Variants in CNTN5 observed in about 807,000 individuals in gnomAD.
CNTN5 encodes the protein contactin-5.
In CNTN5, 77 loss-of-function variants were observed where a neutral mutation model predicts 129.1. That is an observed-to-expected ratio of 0.60 (90% confidence interval 0.50 to 0.72). CNTN5 has a LOEUF of 0.72. CNTN5 is among the 30% of genes least tolerant of loss of function. CNTN5 has a pLI of 0.00. For synonymous variants in CNTN5, 509 were observed against 465.6 expected, an observed-to-expected ratio of 1.09 and a Z score of -1.20; for missense variants, 1,478 against 1,328.8, an observed-to-expected ratio of 1.11 and a Z score of -1.75.
At chr11:99,736,667 T>C (rs558930472) in intron 3 of CNTN5, among the ~76,000 whole-genome samples, 1 of 152,278 alleles carries the variant, frequency 6.6e-6, no homozygotes, top group South Asian at 2.1e-4. Flanking sequence ...ATCATAATTA[T>C]CGAAGTGTGA....
intron 2 of CNTN5, among the ~76,000 whole-genome samples, chr11:99,476,798 C>T (rs962298052): frequency 2.8e-4 from 42 of 152,068 alleles, no homozygotes. Context: ...TATGATAGCT[C>T]ATGTTTAATC....
At chr11:99,821,504 T>C (rs1946800281) in intron 4 of CNTN5, among the ~76,000 whole-genome samples, 1 of 152,146 alleles carries the variant, frequency 6.6e-6, no homozygotes, top group East Asian at 1.9e-4. Flanking sequence ...CACAACTCTC[T>C]GACACTTTGA....
At chr11:99,883,607 A>T (rs1948826194) in intron 6 of CNTN5, among the ~76,000 whole-genome samples, 1 of 152,218 alleles carries the variant, frequency 6.6e-6, no homozygotes, top group African/African-American at 2.4e-5. Flanking sequence ...TAAACAAAAC[A>T]AAACAAAACA....
rs1041496065 is a variant in CNTN5 at position 100,323,363 on chromosome 11, C to T, written c.2730+14895C>T. On this transcript the variant is annotated intron_variant, in intron 21 of 24. Transcript: ENST00000524871. ...TCCTTTGCTACTCCAACTGATCAAG[C>T]TGCAATCTTTTGCCACCATTGCCAG... 3.3e-4 allele frequency among the ~76,000 whole-genome samples: 50 copies of T among 152,218 alleles called. 1 individual carries two copies. The highest frequency in any genetic ancestry group is 3.2e-3 in the Admixed American group (49 of 15,284).
At chr11:99,918,769 T>G (rs1227178007) in intron 7 of CNTN5, among the ~76,000 whole-genome samples, 2 of 152,166 alleles carry the variant, frequency 1.3e-5, no homozygotes, top group African/African-American at 4.8e-5. Flanking sequence ...CTGTTCTTCG[T>G]CCCCTACTTC....
intron 3 of CNTN5, among the ~76,000 whole-genome samples, chr11:99,790,689 A>G (rs1218605865): frequency 1.3e-5 from 2 of 152,214 alleles, no homozygotes; most frequent in African/African-American, 2.4e-5. Context: ...TATATACCCA[A>G]TAATGGGATT....
chr11:100,139,721 G>A (rs539870182), intron 13 of CNTN5, among the ~76,000 whole-genome samples: 11 of 152,110 alleles, frequency 7.2e-5, no homozygotes, highest in South Asian at 2.1e-4. Context: ...AAAATTAGCC[G>A]GGTGTGATGG....
At chr11:99,997,141 AG>A (rs760784451) in intron 8 of CNTN5, among the ~76,000 whole-genome samples, 9 of 152,062 alleles carry the variant, frequency 5.9e-5, no homozygotes, top group Non-Finnish European at 1.0e-4. Context: ...TTTCTTTATT[AG>A]TCTTGCTAGC....
chr11:99,175,551 A>G (rs1292316436), intron 1 of CNTN5, among the ~76,000 whole-genome samples: 3 of 152,162 alleles, frequency 2.0e-5, no homozygotes, highest in Non-Finnish European at 2.9e-5. Context: ...TCACATGAGA[A>G]GAGACAAGAT....
intron 1 of CNTN5, among the ~76,000 whole-genome samples, chr11:99,266,310 G>C (rs540351245): frequency 5.8e-4 from 88 of 152,176 alleles, no homozygotes; most frequent in African/African-American, 1.6e-3. Flanking sequence ...TTCAAGTATA[G>C]AGGACAGGCC....
intron 1 of CNTN5, among the ~76,000 whole-genome samples, chr11:99,166,853 A>AT (rs11461923): frequency 0.67 from 101,800 of 150,946 alleles, 34,694 homozygotes; most frequent in East Asian, 0.94. Context: ...GTTGAATTAC[A>AT]TTTGATTTAA....
chr11:100,339,729 T>C (rs1454847015), intron 21 of CNTN5, among the ~76,000 whole-genome samples: 1 of 152,210 alleles, frequency 6.6e-6, no homozygotes, highest in East Asian at 1.9e-4. Context: ...AGCTACTCTT[T>C]GTTGCACTGA....
At chr11:99,302,115 A>G (rs1376282173) in intron 1 of CNTN5, among the ~76,000 whole-genome samples, 1 of 151,666 alleles carries the variant, frequency 6.6e-6, no homozygotes, top group Non-Finnish European at 1.5e-5. Flanking sequence ...ATAAATTTCT[A>G]TATTAAAAAA....
chr11:99,810,800 G>C (rs1220052995), intron 3 of CNTN5, among the ~76,000 whole-genome samples: 2 of 152,016 alleles, frequency 1.3e-5, no homozygotes, highest in Non-Finnish European at 2.9e-5. Context: ...CTTTGAAAAA[G>C]GTCAGGTATC....
chr11:99,038,690 A>T (rs1863859551), intron 1 of CNTN5, among the ~76,000 whole-genome samples: 1 of 151,758 alleles, frequency 6.6e-6, no homozygotes, highest in East Asian at 1.9e-4. Context: ...CATTTTTTAC[A>T]TCATTTATAA....
chr11:99,856,572 A>C (rs1948041519), intron 6 of CNTN5, among the ~76,000 whole-genome samples: 1 of 152,202 alleles, frequency 6.6e-6, no homozygotes. Flanking sequence ...CTTAAGGGGC[A>C]AGTATGGAGT....
intron 3 of CNTN5, among the ~76,000 whole-genome samples, chr11:99,742,248 G>A (rs1206584137): frequency 6.6e-6 from 1 of 152,142 alleles, no homozygotes; most frequent in Non-Finnish European, 1.5e-5. Flanking sequence ...CACTGATTCT[G>A]TGTTCTCTCC....
chr11:99,180,275 A>G (rs1346324207), intron 1 of CNTN5, among the ~76,000 whole-genome samples: 2 of 152,202 alleles, frequency 1.3e-5, no homozygotes, highest in East Asian at 3.8e-4. Context: ...AGAAGGGAAA[A>G]GATATTTACA....
At chr11:99,977,569 A>T (rs1030126549) in intron 8 of CNTN5, among the ~76,000 whole-genome samples, 3 of 152,192 alleles carry the variant, frequency 2.0e-5, no homozygotes, top group Non-Finnish European at 4.4e-5. Flanking sequence ...GACAGACAAG[A>T]AGCAAGGCAT....
Sources: gnomAD v4.1 joint callset for allele counts (sites outside exome capture counted in the v4.1 genomes callset) on GRCh38, gnomAD v4.1.1 for gene constraint, MANE v1.5 for transcripts, NCBI Gene and HGNC (gene_info 2026-07-23, HGNC 2026-07-21) for gene names.